The following IGFL2 variants were observed in gnomAD, a reference collection of about 807,000 sequenced individuals.
IGFL2 encodes the protein insulin growth factor-like family member 2.
In IGFL2, 7 loss-of-function variants were observed where a neutral mutation model predicts 13.9. That is an observed-to-expected ratio of 0.51 (90% CI 0.29 to 0.95). IGFL2 has a LOEUF of 0.95. Among genes scored for constraint, IGFL2 ranks in the 40% least tolerant of loss-of-function variants. The probability of loss-of-function intolerance (pLI) is 0.08; values close to 1 mark genes in which losing one functional copy is unlikely to be tolerated. For synonymous variants in IGFL2, 55 were observed against 55.8 expected (o/e 0.99, Z 0.07); for missense variants, 138 against 147.8 (o/e 0.93, Z 0.34).
the IGFL2 span, among the ~76,000 whole-genome samples, chr19:46,211,105 A>G: frequency 6.6e-6 from 1 of 152,218 alleles, no homozygotes; most frequent in African/African-American, 2.4e-5. Context: ...TGGCACCTGA[A>G]TCTTGAGTCT....
At chr19:46,078,894 T>C in the IGFL2 span, among the ~76,000 whole-genome samples, 127 of 88,316 alleles carry the variant, frequency 1.4e-3, 1 homozygote, top group Admixed American at 2.9e-3. Flanking sequence ...GCGTCGTCAG[T>C]AGACATCGCG....
At chr19:46,119,094 G>T in the IGFL2 span, among the ~76,000 whole-genome samples, 1 of 152,232 alleles carries the variant, frequency 6.6e-6, no homozygotes, top group South Asian at 2.1e-4. Flanking sequence ...TTTAACACTT[G>T]GCTGTGCCCC....
At chr19:46,170,829 G>A in the IGFL2 span, among the ~76,000 whole-genome samples, 1 of 152,304 alleles carries the variant, frequency 6.6e-6, no homozygotes, top group East Asian at 1.9e-4. Context: ...AGTCAGACCA[G>A]TTCTCTGCTC....
the IGFL2 span, chr19:46,211,489 G>C: frequency 6.6e-6 from 1 of 152,170 alleles, no homozygotes; most frequent in Non-Finnish European, 1.5e-5. Flanking sequence ...CTCCAAATCT[G>C]CCAGGAGGGA....
chr19:46,091,865 CATG>C, the IGFL2 span, among the ~76,000 whole-genome samples: 2 of 152,106 alleles, frequency 1.3e-5, no homozygotes, highest in African/African-American at 4.8e-5. Context: ...ACTCAAACAG[CATG>C]ATAAATTTTT....
the IGFL2 span, among the ~76,000 whole-genome samples, chr19:46,176,086 C>A: frequency 7.1e-6 from 1 of 140,506 alleles, no homozygotes; most frequent in African/African-American, 2.7e-5. Flanking sequence ...AACTCCTGAC[C>A]TCGTGATCTG....
the IGFL2 span, among the ~76,000 whole-genome samples, chr19:46,178,769 C>G: frequency 6.6e-6 from 1 of 152,176 alleles, no homozygotes; most frequent in Non-Finnish European, 1.5e-5. Flanking sequence ...TCAAAATGCC[C>G]TGCATTTTCA....
chr19:46,204,918 C>T, the IGFL2 span: 11 of 151,836 alleles, frequency 7.2e-5, no homozygotes, highest in African/African-American at 2.4e-4. Flanking sequence ...GCTGGGATTA[C>T]AGGTACCTGC....
chr19:46,174,673 C>T, the IGFL2 span, among the ~76,000 whole-genome samples: 32 of 152,294 alleles, frequency 2.1e-4, no homozygotes, highest in African/African-American at 7.5e-4. Flanking sequence ...CACTTGATAT[C>T]CTCTGACATT....
the IGFL2 span, among the ~76,000 whole-genome samples, chr19:46,118,763 TG>T: frequency 6.6e-6 from 1 of 152,204 alleles, no homozygotes; most frequent in African/African-American, 2.4e-5. Flanking sequence ...TGCTGAAGGC[TG>T]AAGTTGAGAC....
At chr19:46,157,502 C>A (rs949943832) in intron 1 of IGFL2, among the ~76,000 whole-genome samples, 1 of 152,124 alleles carries the variant, frequency 6.6e-6, no homozygotes, top group African/African-American at 2.4e-5. Flanking sequence ...TGTAATCCAT[C>A]ATATTAACAT....
the IGFL2 span, among the ~76,000 whole-genome samples, chr19:46,117,619 C>A: frequency 6.6e-6 from 1 of 152,136 alleles, no homozygotes; most frequent in African/African-American, 2.4e-5. Flanking sequence ...GCTGGGACTA[C>A]ATGCATGTGC....
At chr19:46,098,538 GGT>G in the IGFL2 span, among the ~76,000 whole-genome samples, 1 of 148,212 alleles carries the variant, frequency 6.7e-6, no homozygotes, top group Non-Finnish European at 1.5e-5. Context: ...GGAGTGCAGT[GGT>G]ATGATCTCAG....
the IGFL2 span, among the ~76,000 whole-genome samples, chr19:46,172,072 AGTC>A: frequency 2.0e-5 from 3 of 152,326 alleles, no homozygotes; most frequent in Admixed American, 2.0e-4. Flanking sequence ...AATCTGGAGT[AGTC>A]CTTGGCAGGA....
At chr19:46,176,463 G>A in the IGFL2 span, among the ~76,000 whole-genome samples, 6 of 152,204 alleles carry the variant, frequency 3.9e-5, no homozygotes, top group Non-Finnish European at 7.4e-5. Context: ...AACCCGCAGG[G>A]ATCCAAAATG....
chr19:46,176,667 G>A, the IGFL2 span, among the ~76,000 whole-genome samples: 126 of 152,280 alleles, frequency 8.3e-4, 2 homozygotes, highest in Middle Eastern at 0.017. Flanking sequence ...ATCTACACAT[G>A]TGGGTGCTGC....
At chr19:46,194,862 T>TAA in the IGFL2 span, among the ~76,000 whole-genome samples, 4 of 84,812 alleles carry the variant, frequency 4.7e-5, no homozygotes, top group Non-Finnish European at 1.0e-4. Context: ...ATTTTTTTTT[T>TAA]TTTTTTTTTT....
chr19:46,123,821 C>G, the IGFL2 span: 1 of 1,506,838 alleles, frequency 6.6e-7, no homozygotes. Flanking sequence ...AGTTCCTCTT[C>G]AAGCCCTCTG....
upstream of IGFL2, among the ~76,000 whole-genome samples, chr19:46,145,632 G>T (rs868285676): frequency 4.7e-5 from 7 of 148,532 alleles, no homozygotes; most frequent in African/African-American, 1.5e-4. Context: ...GTGTGTGTGT[G>T]TGTATTTATT....
Sources: gnomAD v4.1 joint callset for allele counts (sites outside exome capture counted in the v4.1 genomes callset) on GRCh38, gnomAD v4.1.1 for gene constraint, MANE v1.5 for transcripts, NCBI Gene and HGNC (gene_info 2026-07-23, HGNC 2026-07-21) for gene names.